LSAMP: variants seen among roughly 807,000 people sequenced by gnomAD.
The protein encoded by LSAMP is limbic system associated membrane protein, also known as limbic system-associated membrane protein.
Under a neutral mutation model 38.6 loss-of-function variants are expected in LSAMP, and 7 were observed. The ratio of observed to expected loss-of-function variants is 0.18; its 90% confidence interval spans 0.10 to 0.34. The LOEUF (loss-of-function observed/expected upper bound fraction) is 0.34, where lower values mean the gene tolerates loss of function less well. Ranked by LOEUF, LSAMP falls within the 10% of genes least tolerant of loss-of-function variation. LSAMP has a pLI of 1.00. For missense variants in LSAMP, 313 were observed against 420.0 expected (o/e 0.75, Z 2.23); for synonymous variants, 154 against 166.8 (o/e 0.92, Z 0.59).
intron 3 of LSAMP, among the ~76,000 whole-genome samples, chr3:115,976,486 G>A (rs1939192390): frequency 6.6e-6 from 1 of 152,142 alleles, no homozygotes; most frequent in African/African-American, 2.4e-5. Context: ...TCACTGTGAA[G>A]GGACTTCTAT....
At chr3:115,994,672 T>C (rs1203255076) in intron 3 of LSAMP, among the ~76,000 whole-genome samples, 1 of 152,098 alleles carries the variant, frequency 6.6e-6, no homozygotes, top group East Asian at 1.9e-4. Context: ...ACAATGTTAA[T>C]GTAGAGTCAT....
At chr3:115,874,899 G>C (rs1936141523) in intron 3 of LSAMP, among the ~76,000 whole-genome samples, 1 of 151,252 alleles carries the variant, frequency 6.6e-6, no homozygotes, top group Non-Finnish European at 1.5e-5. Context: ...TCAGCACATA[G>C]AAGGTACTTT....
chr3:116,305,546 C>CA (rs1559821468), intron 1 of LSAMP, among the ~76,000 whole-genome samples: 15 of 144,866 alleles, frequency 1.0e-4, no homozygotes, highest in Non-Finnish European at 1.4e-4. Context: ...CCAGCTTGCA[C>CA]GAAAAAAAAA....
intron 1 of LSAMP, among the ~76,000 whole-genome samples, chr3:116,340,089 C>A (rs1170649349): frequency 6.6e-6 from 1 of 152,024 alleles, no homozygotes; most frequent in African/African-American, 2.4e-5. Context: ...AGAGAATTTG[C>A]CAGTTCTAGC....
In LSAMP at chr3:115,805,368, GT is replaced by G. The variant is rs1285916698; in HGVS notation, c.*4948del. 1 of 152,090 alleles carries G rather than the reference GT, an allele frequency of 6.6e-6. No homozygotes were observed. Among genetic ancestry groups the G allele is most frequent in the Non-Finnish European group, 1.5e-5 (1 of 68,006 alleles). The allele number at this position is 152,090 out of a possible 1,614,324, so 9.4% of individuals were successfully genotyped here. ...CGATTCTGAACTGTGAAACGTTTCA[GT>G]TTTTATTTATTTTTATTTGATTTTT... On this transcript the variant is annotated 3_prime_UTR_variant, in exon 7 of 7. Coordinates refer to ENST00000490035, the MANE Select transcript of LSAMP (RefSeq NM_002338.5).
At chr3:116,123,186 A>G (rs532911665) in intron 1 of LSAMP, among the ~76,000 whole-genome samples, 1 of 152,360 alleles carries the variant, frequency 6.6e-6, no homozygotes, top group South Asian at 2.1e-4. Flanking sequence ...GTAAACAGAT[A>G]TAACCAAGGG....
chr3:116,032,070 AGAGAAATCCCAAACGAAACCTT>A (rs1233715572), intron 2 of LSAMP, among the ~76,000 whole-genome samples: 1 of 152,122 alleles, frequency 6.6e-6, no homozygotes. Flanking sequence ...GGGATAGGGG[AGAGAAATCCCAAACGAAACCTT>A]GAATTGATGA....
At chr3:115,935,860 C>T (rs776591582) in intron 3 of LSAMP, among the ~76,000 whole-genome samples, 7 of 152,156 alleles carry the variant, frequency 4.6e-5, no homozygotes, top group East Asian at 1.9e-4. Flanking sequence ...GAACCTGGAA[C>T]GTAATTTGAA....
chr3:116,421,406 C>T (rs1486753981), intron 1 of LSAMP, among the ~76,000 whole-genome samples: 1 of 151,908 alleles, frequency 6.6e-6, no homozygotes, highest in Non-Finnish European at 1.5e-5. Context: ...CCTGTCTCTA[C>T]TGAAAATAGA....
chr3:116,222,970 C>T (rs374378698), intron 1 of LSAMP, among the ~76,000 whole-genome samples: 189 of 151,860 alleles, frequency 1.2e-3, no homozygotes, highest in African/African-American at 4.3e-3. Flanking sequence ...GATCTCCTGA[C>T]CTCGTGATCC....
intron 2 of LSAMP, among the ~76,000 whole-genome samples, chr3:116,084,147 A>G (rs1707935673): frequency 6.6e-6 from 1 of 152,146 alleles, no homozygotes; most frequent in Admixed American, 6.5e-5. Context: ...TATATAAAAT[A>G]AAGTGAGAAA....
chr3:116,103,464 CAAAAAAA>C (rs59732794), intron 1 of LSAMP, among the ~76,000 whole-genome samples: 15 of 42,826 alleles, frequency 3.5e-4, no homozygotes, highest in African/African-American at 9.2e-4. Context: ...GACTCCTTCT[CAAAAAAA>C]AAAAAAAAAA....
chr3:116,174,525 A>C (rs1710288296), intron 1 of LSAMP, among the ~76,000 whole-genome samples: 1 of 152,056 alleles, frequency 6.6e-6, no homozygotes, highest in African/African-American at 2.4e-5. Flanking sequence ...TCAGTAAAGA[A>C]AACTGATAAC....
At chr3:116,299,783 AT>A (rs2047382981) in intron 1 of LSAMP, among the ~76,000 whole-genome samples, 1 of 152,182 alleles carries the variant, frequency 6.6e-6, no homozygotes, top group Non-Finnish European at 1.5e-5. Context: ...AATCGTCTAT[AT>A]GGAAGTCCAG....
Position 116,317,496 on chromosome 3 carries a change from C to T in LSAMP, c.155+127381G>A, listed in dbSNP as rs578168644. ...TCAGCCTCCCGAGTAGCTGGGACTA[C>T]AGGCGCCCGCCACCACGTCTGGCTA... On this transcript the variant is annotated intron_variant, in intron 1 of 6. Coordinates refer to ENST00000490035, the MANE Select transcript of LSAMP (RefSeq NM_002338.5). 4.9e-4 allele frequency among the ~76,000 whole-genome samples: 75 copies of T among 152,166 alleles called. No homozygotes were observed. In the South Asian group the frequency reaches 0.015, roughly 30 times the overall value.
intron 1 of LSAMP, among the ~76,000 whole-genome samples, chr3:116,233,769 C>G (rs935967806): frequency 6.6e-6 from 1 of 151,884 alleles, no homozygotes; most frequent in African/African-American, 2.4e-5. Flanking sequence ...GAAAATGGGC[C>G]AAAATAGAAA....
intron 1 of LSAMP, among the ~76,000 whole-genome samples, chr3:116,441,262 T>G (rs2049430635): frequency 6.6e-6 from 1 of 152,178 alleles, no homozygotes; most frequent in Non-Finnish European, 1.5e-5. Flanking sequence ...CTAAATAAAA[T>G]TTTATTACCT....
At chr3:115,854,902 T>C (rs1194065104) in intron 3 of LSAMP, among the ~76,000 whole-genome samples, 1 of 152,210 alleles carries the variant, frequency 6.6e-6, no homozygotes, top group Non-Finnish European at 1.5e-5. Flanking sequence ...GAAAGTAAGA[T>C]AGCATTATTT....
chr3:115,845,679 G>A (rs551659575), intron 4 of LSAMP, among the ~76,000 whole-genome samples: 1 of 152,304 alleles, frequency 6.6e-6, no homozygotes, highest in Admixed American at 6.5e-5. Context: ...GGGGAGGTAA[G>A]TCGGCCACAC....
Sources: gnomAD v4.1 joint callset for allele counts (sites outside exome capture counted in the v4.1 genomes callset) on GRCh38, gnomAD v4.1.1 for gene constraint, MANE v1.5 for transcripts, NCBI Gene and HGNC (gene_info 2026-07-23, HGNC 2026-07-21) for gene names.